Variants in SEMA4D observed in about 807,000 individuals in gnomAD.
The protein encoded by SEMA4D is semaphorin 4D.
A neutral mutation model predicts 74.8 loss-of-function variants in SEMA4D; 22 were observed. The observed-to-expected ratio is 0.29, with a 90% CI of 0.21 to 0.42. SEMA4D has a LOEUF of 0.42. SEMA4D is among the 10% of genes least tolerant of loss of function. The probability of loss-of-function intolerance (pLI) is 1.00; values close to 1 mark genes in which losing one functional copy is unlikely to be tolerated. For synonymous variants in SEMA4D, 445 were observed against 463.7 expected (o/e 0.96, Z 0.52); for missense variants, 937 against 1,118.4 (o/e 0.84, Z 2.31).
intron 1 of SEMA4D, among the ~76,000 whole-genome samples, chr9:89,497,201 A>G (rs1826088080): frequency 1.3e-5 from 2 of 152,374 alleles, no homozygotes; most frequent in African/African-American, 4.8e-5. Context: ...TAACCCCAGT[A>G]GAGCCAGCCC....
chr9:89,438,964 CTTTTTTTTTT>C (rs57394947), intron 2 of SEMA4D, among the ~76,000 whole-genome samples: 2 of 38,214 alleles, frequency 5.2e-5, no homozygotes, highest in African/African-American at 1.2e-4. Context: ...CGCACCGGGC[CTTTTTTTTTT>C]TTTTTTTTTT....
intron 2 of SEMA4D, among the ~76,000 whole-genome samples, chr9:89,453,845 T>C (rs930143495): frequency 8.0e-5 from 12 of 149,380 alleles, no homozygotes; most frequent in Non-Finnish European, 1.0e-4. Context: ...ACCCAAGTTG[T>C]AGAATATATG....
intron 2 of SEMA4D, among the ~76,000 whole-genome samples, chr9:89,455,684 G>A (rs1226309201): frequency 1.3e-5 from 2 of 151,996 alleles, no homozygotes; most frequent in African/African-American, 2.4e-5. Flanking sequence ...CCCCTAAACC[G>A]ACCCTTACCA....
chr9:89,386,560 C>A, intron 12 of SEMA4D, 78 bp from the exon 13 acceptor site: 1 of 818,564 alleles, frequency 1.2e-6, no homozygotes, highest in Non-Finnish European at 2.1e-6. Flanking sequence ...CGGCAAACTT[C>A]ACACTCTTCA....
chr9:89,471,308 T>G (rs974076644), intron 1 of SEMA4D, among the ~76,000 whole-genome samples: 1 of 152,164 alleles, frequency 6.6e-6, no homozygotes, highest in Admixed American at 6.5e-5. Context: ...ACAATATGGA[T>G]GTACTTAATG....
At chr9:89,454,459 C>G (rs934592558) in intron 2 of SEMA4D, among the ~76,000 whole-genome samples, 1 of 152,200 alleles carries the variant, frequency 6.6e-6, no homozygotes, top group South Asian at 2.1e-4. Flanking sequence ...CACACCAGAT[C>G]TAGCAGGAGT....
At chr9:89,457,799 C>T (rs1019662421) in intron 1 of SEMA4D, among the ~76,000 whole-genome samples, 1 of 151,612 alleles carries the variant, frequency 6.6e-6, no homozygotes, top group Non-Finnish European at 1.5e-5. Flanking sequence ...TTTGGGAGGC[C>T]GAAGGTGGGT....
chr9:89,448,411 A>G (rs1005383090), intron 2 of SEMA4D, among the ~76,000 whole-genome samples: 4 of 152,222 alleles, frequency 2.6e-5, no homozygotes, highest in African/African-American at 9.6e-5. Flanking sequence ...TAAGGGACCC[A>G]GGGCAGGAGC....
chr9:89,427,902 T>C (rs1298498656), intron 2 of SEMA4D, among the ~76,000 whole-genome samples: 1 of 152,096 alleles, frequency 6.6e-6, no homozygotes, highest in Non-Finnish European at 1.5e-5. Flanking sequence ...GTCTGAGAGC[T>C]CCAGGAGGGG....
intron 2 of SEMA4D, among the ~76,000 whole-genome samples, chr9:89,422,679 A>G (rs1484943106): frequency 6.6e-6 from 1 of 152,020 alleles, no homozygotes; most frequent in East Asian, 1.9e-4. Flanking sequence ...ATCCTTTCCA[A>G]CTCTCCACTT....
intron 2 of SEMA4D, among the ~76,000 whole-genome samples, chr9:89,414,135 T>C (rs1343284201): frequency 6.6e-6 from 1 of 152,162 alleles, no homozygotes; most frequent in East Asian, 1.9e-4. Flanking sequence ...CACTACCACA[T>C]GGAAGGTGTC....
chr9:89,384,911 G>A, intron 13 of SEMA4D: 1 of 985,436 alleles, frequency 1.0e-6, no homozygotes, highest in Non-Finnish European at 1.2e-6. Context: ...CCAAGGAGAA[G>A]GCACAGGACC....
At chr9:89,410,721 C>T (rs56346836) in intron 2 of SEMA4D, among the ~76,000 whole-genome samples, 34,249 of 152,064 alleles carry the variant, frequency 0.23, 4,311 homozygotes, top group Non-Finnish European at 0.28. Context: ...GGAATAACAG[C>T]GCCCAGGAGC....
At chr9:89,425,213 C>A (rs1004066062) in intron 2 of SEMA4D, among the ~76,000 whole-genome samples, 1 of 152,132 alleles carries the variant, frequency 6.6e-6, no homozygotes, top group African/African-American at 2.4e-5. Context: ...CAGGCCTTGC[C>A]ACCTCCCCTA....
chr9:89,397,801 TCTTC>T (rs934138373), intron 5 of SEMA4D, among the ~76,000 whole-genome samples: 6 of 152,220 alleles, frequency 3.9e-5, no homozygotes, highest in African/African-American at 1.4e-4. Context: ...GGGTTTTCTT[TCTTC>T]TTTTGCCTTT....
intron 2 of SEMA4D, among the ~76,000 whole-genome samples, chr9:89,454,756 A>G (rs9410486): frequency 0.35 from 53,069 of 152,182 alleles, 10,755 homozygotes; most frequent in Non-Finnish European, 0.47. Flanking sequence ...CCTGCACAGC[A>G]CAAGGACATG....
intron 1 of SEMA4D, among the ~76,000 whole-genome samples, chr9:89,478,983 C>T (rs183983674): frequency 1.3e-5 from 2 of 152,336 alleles, no homozygotes; most frequent in Admixed American, 6.5e-5. Flanking sequence ...GCTGACACAC[C>T]TAATTACCAA....
rs1843166334 is a variant in SEMA4D, at chr9:89,405,643, C to T, written c.-187G>A. ...GTTCTCCAGGTGAGGAGGGGTCGCT[C>T]TCACCACCGCAATGTCAAAGCCCAC... On this transcript the variant is annotated 5_prime_UTR_variant, in exon 3 of 16. Coordinates refer to ENST00000422704, the MANE Select transcript of SEMA4D (RefSeq NM_001371194.2). 6 of 1,428,688 alleles carry T rather than the reference C, an allele frequency of 4.2e-6. No individual in the cohort carries two copies. Among genetic ancestry groups the T allele is most frequent in the African/African-American group, 2.9e-5 (2 of 69,712 alleles). 88.5% of individuals were successfully genotyped at this position (1,428,688 alleles called of 1,614,324 possible).
intron 2 of SEMA4D, among the ~76,000 whole-genome samples, chr9:89,434,378 T>C (rs879846507): frequency 5.9e-5 from 9 of 152,218 alleles, no homozygotes; most frequent in South Asian, 4.1e-4. Flanking sequence ...GTCAAAACGG[T>C]ATGCAGGCCC....
Sources: allele counts gnomAD v4.1 joint callset (sites outside exome capture counted in the v4.1 genomes callset), GRCh38; gene constraint gnomAD v4.1.1; transcripts MANE v1.5; gene names NCBI Gene and HGNC (gene_info 2026-07-23, HGNC 2026-07-21).